Variants in DNAJC5B observed in about 807,000 individuals in gnomAD.
DNAJC5B encodes the protein DnaJ heat shock protein family (Hsp40) member C5 beta.
Under a neutral mutation model 24.7 loss-of-function variants are expected in DNAJC5B, and 23 were observed. The observed-to-expected ratio is 0.93, with a 90% CI of 0.67 to 1.32. DNAJC5B has a LOEUF of 1.32. Ranked by LOEUF, DNAJC5B falls within the 40% of genes most tolerant of loss-of-function variation. The probability of loss-of-function intolerance (pLI) is 0.00; values close to 1 mark genes in which losing one functional copy is unlikely to be tolerated. For missense variants in DNAJC5B, 238 were observed against 240.8 expected, an observed-to-expected ratio of 0.99 and a Z score of 0.08; for synonymous variants, 101 against 90.1, an observed-to-expected ratio of 1.12 and a Z score of -0.68.
chr8:66,049,667 A>G (rs1563594202), intron 2 of DNAJC5B, among the ~76,000 whole-genome samples: 1 of 152,348 alleles, frequency 6.6e-6, no homozygotes, highest in East Asian at 1.9e-4. Context: ...AGTGGTGCGT[A>G]ACTGTAACTG....
chr8:66,034,195 T>TGTGC (rs1806428719), intron 1 of DNAJC5B, among the ~76,000 whole-genome samples: 1 of 151,770 alleles, frequency 6.6e-6, no homozygotes, highest in African/African-American at 2.4e-5. Context: ...TGTGTGTGTG[T>TGTGC]GTGTGTGTGT....
At chr8:66,067,979 G>T (rs979538088) in intron 3 of DNAJC5B, among the ~76,000 whole-genome samples, 1 of 152,172 alleles carries the variant, frequency 6.6e-6, no homozygotes, top group African/African-American at 2.4e-5. Context: ...AGTCTTGTAT[G>T]GACTGCAACT....
chr8:66,071,861 A>G (rs1807357608), intron 3 of DNAJC5B, among the ~76,000 whole-genome samples: 2 of 152,214 alleles, frequency 1.3e-5, no homozygotes, highest in African/African-American at 4.8e-5. Flanking sequence ...ATGGAATACT[A>G]TGCAGCCATA....
intron 5 of DNAJC5B, among the ~76,000 whole-genome samples, chr8:66,089,159 G>GAAGC (rs1029627112): frequency 1.2e-4 from 18 of 152,222 alleles, no homozygotes; most frequent in African/African-American, 3.9e-4. Flanking sequence ...AGGTGAAGGA[G>GAAGC]AAGCAAGCAC....
intron 3 of DNAJC5B, chr8:66,056,620 T>C (rs993901667): frequency 6.6e-6 from 1 of 152,190 alleles, no homozygotes; most frequent in Non-Finnish European, 1.5e-5. Flanking sequence ...CTCACAAAAG[T>C]AGGCTAGAAC....
chr8:66,082,366 T>G (rs556033551), intron 5 of DNAJC5B, among the ~76,000 whole-genome samples: 8 of 152,228 alleles, frequency 5.3e-5, no homozygotes, highest in African/African-American at 1.9e-4. Context: ...TTCACACTTC[T>G]CTGAACAGCC....
At chr8:66,097,033 A>T (rs1050589236) in intron 5 of DNAJC5B, among the ~76,000 whole-genome samples, 1 of 152,116 alleles carries the variant, frequency 6.6e-6, no homozygotes, top group African/African-American at 2.4e-5. Flanking sequence ...TAAAATGGTT[A>T]TAATAACAAC....
intron 3 of DNAJC5B, 125 bp downstream of exon 3, chr8:66,051,791 C>A: frequency 4.2e-6 from 3 of 709,618 alleles, no homozygotes; most frequent in South Asian, 1.8e-5. Flanking sequence ...TCCAATGTTC[C>A]CTGCTCTACA....
At chr8:66,051,307 G>T (rs1806839341) in intron 2 of DNAJC5B, among the ~76,000 whole-genome samples, 1 of 152,174 alleles carries the variant, frequency 6.6e-6, no homozygotes, top group African/African-American at 2.4e-5. Flanking sequence ...ATTTAACCGT[G>T]TGGAGAAAGC....
In DNAJC5B at chr8:66,080,549, GT is replaced by G; in HGVS notation, c.505+2del. ...CAGATCAAGTCTGACATGGAAAAAGGTGGGGTAGGATGAGAGCAGAGGTAGT... is the reference window on the plus strand; with the variant it reads ...CAGATCAAGTCTGACATGGAAAAAGGGGGGTAGGATGAGAGCAGAGGTAGT... On this transcript the variant is annotated splice_donor_variant, in intron 5 of 5. Coordinates refer to ENST00000276570, the MANE Select transcript of DNAJC5B (RefSeq NM_033105.6). LOFTEE classifies it high-confidence loss of function. The G allele has an allele frequency of 6.2e-7, 1 of 1,602,942 alleles. No homozygotes were observed. Among genetic ancestry groups the G allele is most frequent in the Non-Finnish European group, 8.5e-7 (1 of 1,174,462 alleles).
At chr8:66,031,609 A>G (rs1004828132) in intron 1 of DNAJC5B, among the ~76,000 whole-genome samples, 4 of 152,258 alleles carry the variant, frequency 2.6e-5, no homozygotes, top group African/African-American at 7.2e-5. Context: ...GACAAGTCCC[A>G]GGATCTGCAC....
At chr8:66,068,768 T>C (rs1807279407) in intron 3 of DNAJC5B, among the ~76,000 whole-genome samples, 1 of 152,046 alleles carries the variant, frequency 6.6e-6, no homozygotes, top group South Asian at 2.1e-4. Flanking sequence ...GACAAAGAAC[T>C]CTATACCCAG....
intron 1 of DNAJC5B, among the ~76,000 whole-genome samples, chr8:66,033,350 C>G (rs968763838): frequency 5.3e-5 from 8 of 152,214 alleles, no homozygotes; most frequent in Non-Finnish European, 1.2e-4. Context: ...CTCTGGTGTG[C>G]ATGCTTTGCT....
At chr8:66,033,477 A>C (rs1806404910) in intron 1 of DNAJC5B, among the ~76,000 whole-genome samples, 1 of 152,178 alleles carries the variant, frequency 6.6e-6, no homozygotes, top group African/African-American at 2.4e-5. Context: ...GAATCATCTC[A>C]TCCATGTAAG....
At chr8:66,073,248 T>C (rs1416501386) in intron 3 of DNAJC5B, among the ~76,000 whole-genome samples, 1 of 152,130 alleles carries the variant, frequency 6.6e-6, no homozygotes, top group African/African-American at 2.4e-5. Flanking sequence ...TATTTTTATC[T>C]GCAATAAATA....
chr8:66,066,890 A>G (rs1807227813), intron 3 of DNAJC5B, among the ~76,000 whole-genome samples: 1 of 152,242 alleles, frequency 6.6e-6, no homozygotes, highest in African/African-American at 2.4e-5. Context: ...GAATAAATAC[A>G]TAAACAGATG....
At position 66,080,483 on chromosome 8, in the gene DNAJC5B, C is replaced by T. The variant is rs1807569545; in HGVS notation, c.440C>T (p.Pro147Leu). The change falls in exon 5 of 6, where the codon CCA becomes CTA. Residue 147 changes from proline (P) to leucine (L), a missense_variant. Coordinates refer to ENST00000276570, the MANE Select transcript of DNAJC5B (RefSeq NM_033105.6). ...CGHCRPESSV[P>L]EEDFYVSPED... Reference sequence around the variant, plus strand: ...CACTGCCGGCCCGAGTCATCAGTGCCAGAAGAGGACTTCTATGTGTCCCCA... The same window carrying T: ...CACTGCCGGCCCGAGTCATCAGTGCTAGAAGAGGACTTCTATGTGTCCCCA... 1.9e-6 allele frequency: 3 copies of T among 1,613,790 alleles called. No individual in the cohort carries two copies. The highest frequency in any genetic ancestry group is 2.5e-6 in the Non-Finnish European group (3 of 1,179,954).
chr8:66,025,936 T>G (rs1278627597), intron 1 of DNAJC5B, among the ~76,000 whole-genome samples: 1 of 92,156 alleles, frequency 1.1e-5, no homozygotes, highest in South Asian at 2.7e-4. Flanking sequence ...CATATGAACT[T>G]TAGTTTTTTC....
intron 1 of DNAJC5B, among the ~76,000 whole-genome samples, chr8:66,024,160 T>A (rs1806202095): frequency 6.6e-6 from 1 of 152,234 alleles, no homozygotes; most frequent in Non-Finnish European, 1.5e-5. Context: ...GTTTCTGGTA[T>A]TACATGCAGG....
Sources: gnomAD v4.1 joint callset for allele counts (sites outside exome capture counted in the v4.1 genomes callset) on GRCh38, gnomAD v4.1.1 for gene constraint, MANE v1.5 for transcripts, NCBI Gene and HGNC (gene_info 2026-07-23, HGNC 2026-07-21) for gene names.